Variants in ERG observed in about 807,000 individuals in gnomAD.
The protein encoded by ERG is transcriptional regulator ERG.
ERG carries 9 observed loss-of-function variants against 55.3 expected under a neutral mutation model. The observed-to-expected ratio is 0.16, with a 90% CI of 0.10 to 0.28. The LOEUF (loss-of-function observed/expected upper bound fraction) is 0.28. ERG is among the 10% of genes least tolerant of loss of function. ERG has a pLI of 1.00. For missense variants in ERG, 434 were observed against 631.6 expected, an observed-to-expected ratio of 0.69 and a Z score of 3.35; for synonymous variants, 223 against 237.3, an observed-to-expected ratio of 0.94 and a Z score of 0.55.
At chr21:38,550,097 C>A (rs76223716) in intron 2 of ERG, among the ~76,000 whole-genome samples, 2,394 of 152,294 alleles carry the variant, frequency 0.016, 47 homozygotes, top group African/African-American at 0.054. Context: ...AAGTCAGGTT[C>A]TACGCCCGGT....
At chr21:38,389,062 C>A (rs1260927509) in intron 9 of ERG, among the ~76,000 whole-genome samples, 1 of 152,192 alleles carries the variant, frequency 6.6e-6, no homozygotes, top group Non-Finnish European at 1.5e-5. Context: ...TCCTTCCTGA[C>A]CTCAGATTCA....
Position 38,399,781 on chromosome 21 carries a change from CTCTACCATAAAA to C in ERG, c.745+781_745+792del, listed in dbSNP as rs1306429468. Among the ~76,000 whole-genome samples, 22 of 152,318 alleles carry C rather than the reference CTCTACCATAAAA, an allele frequency of 1.4e-4. No individual in the cohort carries two copies. In the East Asian group the frequency reaches 4.1e-3, roughly 28 times the overall value. On this transcript the variant is annotated intron_variant, in intron 6 of 9. Transcript: ENST00000288319. The stretch of plus-strand genomic sequence containing the variant: ...CGCCCTGTATTGCTAGAAGTGGTTC[CTCTACCATAAAA>C]TCTATCACATTAGGGAAAACATTTA...
At chr21:38,575,821 G>A (rs1470874165) in intron 1 of ERG, 2 of 1,145,168 alleles carry the variant, frequency 1.7e-6, no homozygotes, top group East Asian at 2.4e-5. Context: ...AGCAGGACAG[G>A]ACACAATTCA....
upstream of ERG, among the ~76,000 whole-genome samples, chr21:38,589,315 T>C (rs768846923): frequency 6.6e-6 from 1 of 152,178 alleles, no homozygotes; most frequent in Non-Finnish European, 1.5e-5. Context: ...CCCACAGTTA[T>C]GGTGAACACA....
At chr21:38,612,042 G>A (rs1307398968) in intron 1 of ERG, among the ~76,000 whole-genome samples, 1 of 152,122 alleles carries the variant, frequency 6.6e-6, no homozygotes, top group African/African-American at 2.4e-5. Flanking sequence ...TCAGTTATAT[G>A]TGCTCTAGCT....
chr21:38,635,214 T>C (rs1221714409), intron 1 of ERG, among the ~76,000 whole-genome samples: 3 of 152,186 alleles, frequency 2.0e-5, no homozygotes, highest in African/African-American at 7.2e-5. Context: ...ACTATCATAG[T>C]AGGATCTGTT....
intron 3 of ERG, among the ~76,000 whole-genome samples, chr21:38,406,842 C>A (rs1988797386): frequency 6.6e-6 from 1 of 152,074 alleles, no homozygotes; most frequent in Admixed American, 6.5e-5. Flanking sequence ...CCTTGGTGTG[C>A]CCCTTAATTG....
chr21:38,397,110 T>C (rs2836367), intron 6 of ERG, among the ~76,000 whole-genome samples: 39,124 of 151,820 alleles, frequency 0.26, 5,804 homozygotes, highest in South Asian at 0.36. Context: ...GGGATGAGGT[T>C]TGGACAAATG....
In ERG at chr21:38,599,650, G is replaced by A. The variant is rs543734507; in HGVS notation, c.-149-14705C>T. Among the ~76,000 whole-genome samples the A allele has an allele frequency of 7.2e-4, 109 of 152,284 alleles. 2 individuals are homozygous for A. The highest frequency in any genetic ancestry group is 2.3e-3 in the African/African-American group (97 of 41,554). ...CGTTTCCGATGCTAACACCAGCTCC[G>A]GATGCAAAGAATCTTGAAACAGGAC... On this transcript the variant is annotated intron_variant, in intron 1 of 10. Transcript: ENST00000398910.
At chr21:38,653,694 T>C (rs2060501648) in intron 1 of ERG, among the ~76,000 whole-genome samples, 1 of 152,200 alleles carries the variant, frequency 6.6e-6, no homozygotes, top group African/African-American at 2.4e-5. Flanking sequence ...CATAGCGGAA[T>C]GTTCTGGCTT....
chr21:38,569,468 CAAT>C (rs1015458060), intron 2 of ERG, among the ~76,000 whole-genome samples: 4 of 152,230 alleles, frequency 2.6e-5, no homozygotes, highest in African/African-American at 9.6e-5. Flanking sequence ...TGCTAAAGTA[CAAT>C]GAGTTTTACA....
At chr21:38,607,364 C>T (rs1009191600) in intron 1 of ERG, among the ~76,000 whole-genome samples, 8 of 152,264 alleles carry the variant, frequency 5.3e-5, no homozygotes, top group African/African-American at 1.7e-4. Flanking sequence ...ACAGGCTGGG[C>T]GTGGTGGCTC....
At chr21:38,621,866 T>C (rs1174817607) in intron 1 of ERG, among the ~76,000 whole-genome samples, 1 of 152,220 alleles carries the variant, frequency 6.6e-6, no homozygotes, top group Non-Finnish European at 1.5e-5. Flanking sequence ...CACTCATGCC[T>C]TTCCAGCAAT....
intron 1 of ERG, among the ~76,000 whole-genome samples, chr21:38,638,063 C>T (rs1167601766): frequency 6.6e-6 from 1 of 152,204 alleles, no homozygotes; most frequent in Non-Finnish European, 1.5e-5. Context: ...AAACACAGCA[C>T]ATGCAACTCG....
intron 1 of ERG, among the ~76,000 whole-genome samples, chr21:38,611,342 G>A (rs1193786989): frequency 1.3e-5 from 2 of 151,996 alleles, no homozygotes; most frequent in Admixed American, 6.6e-5. Context: ...CTCACAACCC[G>A]CCAATGCTGG....
chr21:38,512,127 C>T (rs2059517036), intron 2 of ERG, among the ~76,000 whole-genome samples: 1 of 152,158 alleles, frequency 6.6e-6, no homozygotes, highest in Non-Finnish European at 1.5e-5. Flanking sequence ...GTGTGTCCTG[C>T]CCATCCTAAC....
intron 2 of ERG, among the ~76,000 whole-genome samples, chr21:38,444,577 T>C (rs187677234): frequency 1.3e-5 from 2 of 152,296 alleles, no homozygotes; most frequent in Non-Finnish European, 2.9e-5. Context: ...TTTTCAAAAC[T>C]ACACAGAATT....
intron 1 of ERG, among the ~76,000 whole-genome samples, chr21:38,582,048 A>C (rs1283482766): frequency 7.5e-6 from 1 of 132,978 alleles, no homozygotes; most frequent in Non-Finnish European, 1.7e-5. Context: ...ATCTCACAAA[A>C]AAAAAAAAAA....
rs1364884666 is a variant in ERG, at chr21:38,382,918, C to G, written c.*485G>C. ...TCAACGTCTGTTGATGGGCCACAGTCTCTCTCGTGTCTTTTCTCTTGTTTT... is the reference window on the plus strand; with the variant it reads ...TCAACGTCTGTTGATGGGCCACAGTGTCTCTCGTGTCTTTTCTCTTGTTTT... On this transcript the variant is annotated 3_prime_UTR_variant, in exon 10 of 10. Transcript: ENST00000288319. The G allele has an allele frequency of 9.4e-7, 1 of 1,066,656 alleles. No individual in the cohort carries two copies. 66.1% of individuals were successfully genotyped at this position (1,066,656 alleles called of 1,614,324 possible).
Sources: allele counts gnomAD v4.1 joint callset (sites outside exome capture counted in the v4.1 genomes callset), GRCh38; gene constraint gnomAD v4.1.1; transcripts MANE v1.5; gene names NCBI Gene and HGNC (gene_info 2026-07-23, HGNC 2026-07-21).